SH3BGR: variants seen among roughly 807,000 people sequenced by gnomAD.
SH3BGR encodes SH3 domain binding glutamate rich protein, also known as SH3 domain-binding glutamic acid-rich protein.
In SH3BGR, 29 loss-of-function variants were observed where a neutral mutation model predicts 24.5. That is an observed-to-expected ratio of 1.18 (90% CI 0.88 to 1.61). The LOEUF is 1.61. Among genes scored for constraint, SH3BGR ranks in the 40% most tolerant of loss-of-function variants. The pLI, the probability that SH3BGR is intolerant of heterozygous loss-of-function variation, is 0.00. For missense variants in SH3BGR, 162 were observed against 205.8 expected, an observed-to-expected ratio of 0.79 and a Z score of 1.30; for synonymous variants, 55 against 65.7, an observed-to-expected ratio of 0.84 and a Z score of 0.79.
At chr21:39,455,279 C>A (rs891870917) in intron 1 of SH3BGR, among the ~76,000 whole-genome samples, 1 of 152,216 alleles carries the variant, frequency 6.6e-6, no homozygotes, top group African/African-American at 2.4e-5. Flanking sequence ...CTCTCTGAGT[C>A]TTCACTGAGG....
intron 2 of SH3BGR, among the ~76,000 whole-genome samples, chr21:39,470,093 GT>G (rs1485634797): frequency 6.6e-6 from 1 of 151,728 alleles, no homozygotes; most frequent in Admixed American, 6.6e-5. Flanking sequence ...CAGTTTTGCA[GT>G]TTTTTTAATC....
At chr21:39,510,365 T>TAC (rs34333255) in intron 5 of SH3BGR, among the ~76,000 whole-genome samples, 47,703 of 112,564 alleles carry the variant, frequency 0.42, 12,345 homozygotes, top group Admixed American at 0.55. Flanking sequence ...TGTAGCTACA[T>TAC]ACACACACAC....
At chr21:39,509,471 G>GTTTTT (rs560071613) in intron 5 of SH3BGR, among the ~76,000 whole-genome samples, 4 of 103,960 alleles carry the variant, frequency 3.8e-5, no homozygotes, top group Admixed American at 1.1e-4. Flanking sequence ...CACTTTTATT[G>GTTTTT]TTTTTTTTTT....
intron 3 of SH3BGR, among the ~76,000 whole-genome samples, chr21:39,494,772 A>G (rs938414931): frequency 4.6e-5 from 7 of 151,966 alleles, no homozygotes; most frequent in Non-Finnish European, 8.8e-5. Context: ...TTCAACCATT[A>G]TATTTTCAAA....
intron 3 of SH3BGR, chr21:39,488,708 C>G: frequency 2.2e-6 from 1 of 452,288 alleles, no homozygotes; most frequent in Non-Finnish European, 4.5e-6. Flanking sequence ...GGGAAGATGA[C>G]AGAGGCAGAA....
intron 1 of SH3BGR, among the ~76,000 whole-genome samples, chr21:39,460,194 G>T (rs752106460): frequency 7.2e-5 from 11 of 152,140 alleles, no homozygotes; most frequent in Non-Finnish European, 1.5e-4. Flanking sequence ...AGGAAAGGAG[G>T]AATCTGTGGG....
chr21:39,466,277 C>T (rs1024661688), intron 2 of SH3BGR, among the ~76,000 whole-genome samples: 2 of 152,218 alleles, frequency 1.3e-5, no homozygotes, highest in Admixed American at 6.5e-5. Flanking sequence ...CATGAATTCT[C>T]ATTGCTTCTA....
intron 4 of SH3BGR, among the ~76,000 whole-genome samples, chr21:39,503,138 C>G (rs1250644531): frequency 6.6e-6 from 1 of 152,220 alleles, no homozygotes; most frequent in Non-Finnish European, 1.5e-5. Context: ...TCTGACCCCT[C>G]TACCCCCTCA....
intron 3 of SH3BGR, among the ~76,000 whole-genome samples, chr21:39,477,970 C>T (rs1367130910): frequency 6.6e-6 from 1 of 152,020 alleles, no homozygotes; most frequent in Admixed American, 6.6e-5. Context: ...TAACATCTGC[C>T]TTTCATTGAA....
chr21:39,485,433 G>T (rs1376327126), intron 3 of SH3BGR, among the ~76,000 whole-genome samples: 1 of 152,116 alleles, frequency 6.6e-6, no homozygotes. Flanking sequence ...TTATTATGAT[G>T]TATGGAAAGC....
chr21:39,492,753 G>A (rs1476726756), intron 3 of SH3BGR, among the ~76,000 whole-genome samples: 2 of 152,046 alleles, frequency 1.3e-5, no homozygotes, highest in Non-Finnish European at 2.9e-5. Flanking sequence ...GTGTAGAAGT[G>A]TTCCCTGTTC....
At chr21:39,498,285 T>G (rs940062677) in intron 3 of SH3BGR, among the ~76,000 whole-genome samples, 1 of 151,572 alleles carries the variant, frequency 6.6e-6, no homozygotes, top group Non-Finnish European at 1.5e-5. Flanking sequence ...GATTGGAGGG[T>G]GTGTGTGTGT....
upstream of SH3BGR, among the ~76,000 whole-genome samples, chr21:39,450,279 A>G (rs1013449283): frequency 2.4e-4 from 37 of 152,358 alleles, no homozygotes; most frequent in African/African-American, 8.7e-4. Flanking sequence ...TTGGGGAACC[A>G]TTAATCATCT....
At chr21:39,474,617 A>G (rs1489761354) in intron 2 of SH3BGR, among the ~76,000 whole-genome samples, 14 of 152,088 alleles carry the variant, frequency 9.2e-5, no homozygotes, top group African/African-American at 2.4e-4. Flanking sequence ...CAAGTTTCCA[A>G]TCACTCCAGT....
At chr21:39,446,932 TG>T (rs1219234834) in intron 1 of SH3BGR, 1 of 152,108 alleles carries the variant, frequency 6.6e-6, no homozygotes, top group Non-Finnish European at 1.5e-5. Flanking sequence ...GAGAAACGGG[TG>T]TTTTTTTTCA....
At chr21:39,465,376 C>T (rs1395962683) in intron 2 of SH3BGR, among the ~76,000 whole-genome samples, 1 of 152,208 alleles carries the variant, frequency 6.6e-6, no homozygotes, top group African/African-American at 2.4e-5. Flanking sequence ...GGAAGGGCCT[C>T]ATGTTTTCAT....
chr21:39,509,082 T>C, intron 5 of SH3BGR, 55 bp downstream of exon 5: 1 of 1,456,632 alleles, frequency 6.9e-7, no homozygotes, highest in East Asian at 2.3e-5. Flanking sequence ...AAAACATCTT[T>C]TAGGTGGGAG....
intron 2 of SH3BGR, among the ~76,000 whole-genome samples, chr21:39,469,816 G>A (rs767840653): frequency 1.1e-4 from 16 of 151,730 alleles, no homozygotes; most frequent in Non-Finnish European, 1.8e-4. Context: ...CACCACGCCC[G>A]GTTAATTTTT....
At chr21:39,476,138 G>C (rs993135779) in intron 3 of SH3BGR, among the ~76,000 whole-genome samples, 32 of 152,294 alleles carry the variant, frequency 2.1e-4, no homozygotes, top group African/African-American at 7.5e-4. Flanking sequence ...GGGACTTCAA[G>C]TTTAAAGTTG....
Sources: gnomAD v4.1 joint callset for allele counts (sites outside exome capture counted in the v4.1 genomes callset) on GRCh38, gnomAD v4.1.1 for gene constraint, MANE v1.5 for transcripts, NCBI Gene and HGNC (gene_info 2026-07-23, HGNC 2026-07-21) for gene names.